Variants in DMD observed in about 807,000 individuals in gnomAD.
DMD encodes the protein dystrophin, also known as mutant dystrophin.
In DMD, 63 loss-of-function variants were observed where a neutral mutation model predicts 330.1. That is an observed-to-expected ratio of 0.19 (90% CI 0.16 to 0.24). The LOEUF (loss-of-function observed/expected upper bound fraction) is 0.24. Ranked by LOEUF, DMD falls within the 10% of genes least tolerant of loss-of-function variation. DMD has a pLI of 1.00. For synonymous variants in DMD, 1,223 were observed against 959.8 expected (o/e 1.27, Z -5.07); for missense variants, 3,344 against 2,684.1 (o/e 1.25, Z -5.43).
chrX:32,519,267 A>T (rs2046191447), intron 17 of DMD, among the ~76,000 whole-genome samples: 1 of 64,854 alleles, frequency 1.5e-5, no homozygotes, highest in Non-Finnish European at 2.9e-5. Flanking sequence ...GGAATCTAAA[A>T]AAAAAAAAAA....
chrX:32,365,296 A>G, intron 34 of DMD, 97 bp from the exon 35 acceptor site: 1 of 861,793 alleles, frequency 1.2e-6, no homozygotes, highest in East Asian at 3.2e-5. Context: ...ATGATTCTGC[A>G]AGGTTTTAAA....
chrX:33,331,157 C>G (rs760108874), intron 1 of DMD, among the ~76,000 whole-genome samples: 2 of 111,719 alleles, frequency 1.8e-5, no homozygotes, highest in South Asian at 7.6e-4. Flanking sequence ...CTAATCCTGT[C>G]TGGATGACCT....
At chrX:31,225,761 G>A (rs1337620248) in intron 63 of DMD, among the ~76,000 whole-genome samples, 6 of 111,892 alleles carry the variant, frequency 5.4e-5, no homozygotes, top group Non-Finnish European at 9.4e-5. Flanking sequence ...TGATGCTGAT[G>A]CTGCTGGTCC....
chrX:32,313,230 C>A (rs1174882364), intron 41 of DMD, among the ~76,000 whole-genome samples: 1 of 110,643 alleles, frequency 9.0e-6, no homozygotes, highest in African/African-American at 3.3e-5. Context: ...CCCTGGGATG[C>A]AAAGCTGGTT....
intron 44 of DMD, among the ~76,000 whole-genome samples, chrX:32,064,891 A>G (rs915693169): frequency 9.0e-6 from 1 of 111,267 alleles, no homozygotes; most frequent in African/African-American, 3.3e-5. Flanking sequence ...AAATTTTATT[A>G]TTCACCCTAG....
chrX:31,955,168 C>T (rs2095232237), intron 45 of DMD, among the ~76,000 whole-genome samples: 1 of 111,175 alleles, frequency 9.0e-6, no homozygotes, highest in African/African-American at 3.3e-5. Context: ...AGAGCCAGAA[C>T]CCCATCTCAA....
intron 5 of DMD, among the ~76,000 whole-genome samples, chrX:32,817,059 T>C (rs763423814): frequency 1.8e-5 from 2 of 112,111 alleles, no homozygotes; most frequent in South Asian, 7.4e-4. Context: ...AAGTATATGT[T>C]CAAATTTTGC....
chrX:31,894,380 C>T (rs2094302088), intron 47 of DMD, among the ~76,000 whole-genome samples: 1 of 111,685 alleles, frequency 9.0e-6, no homozygotes, highest in African/African-American at 3.3e-5. Context: ...TGGGGCTCAT[C>T]TCTTGGCTCT....
chrX:32,766,110 A>C (rs958846740), intron 7 of DMD, among the ~76,000 whole-genome samples: 1 of 111,290 alleles, frequency 9.0e-6, no homozygotes, highest in Non-Finnish European at 1.9e-5. Context: ...CTTTGTAGTA[A>C]GTTTTGAAAT....
chrX:31,921,110 A>AG (rs945322559), intron 47 of DMD, among the ~76,000 whole-genome samples: 2 of 111,472 alleles, frequency 1.8e-5, no homozygotes, highest in Non-Finnish European at 3.8e-5. Flanking sequence ...AAATAAAGGT[A>AG]GGGGGAAGGG....
In DMD at chrX:32,396,021, G is replaced by A. The variant is rs138993891; in HGVS notation, c.4234-5840C>T. On this transcript the variant is annotated intron_variant, in intron 30 of 78. Coordinates refer to ENST00000357033, the MANE Select transcript of DMD (RefSeq NM_004006.3). ...AAAGCAAAGCAAAGATAGCGTAAGT[G>A]ATCACTGCAACACAGGCCTTCCTGA... is the stretch of plus-strand genomic sequence containing the variant. Among the ~76,000 whole-genome samples the A allele has an allele frequency of 5.1e-3, 562 of 110,835 alleles. 4 individuals are homozygous for A. Among genetic ancestry groups the A allele is most frequent in the African/African-American group, 0.018 (544 of 30,509 alleles).
intron 60 of DMD, among the ~76,000 whole-genome samples, chrX:31,435,319 TTGTC>T (rs767728980): frequency 3.3e-4 from 37 of 111,794 alleles, no homozygotes; most frequent in Middle Eastern, 4.6e-3. Flanking sequence ...ACTACATTGA[TTGTC>T]TGAATAAAGT....
At chrX:31,476,633 T>A (rs1303723956) in intron 59 of DMD, among the ~76,000 whole-genome samples, 2 of 110,030 alleles carry the variant, frequency 1.8e-5, no homozygotes, top group Admixed American at 2.0e-4. Context: ...GATTTCATTC[T>A]CTAGGCAAGT....
chrX:32,456,151 C>T lies in DMD; in HGVS notation c.3433-1319G>A, dbSNP rs1039827169. Among the ~76,000 whole-genome samples, 4 of 110,551 alleles carry T rather than the reference C, an allele frequency of 3.6e-5. No individual in the cohort carries two copies. The East Asian group carries it at 1.1e-3, about 32-fold the overall frequency. On this transcript the variant is annotated intron_variant, in intron 25 of 78. Transcript: ENST00000357033. ...AAAATGAAGTGTTCATGGTACTTTG[C>T]CCAATAGTAAATATGTGTAGAATCA... is the stretch of plus-strand genomic sequence containing the variant.
chrX:31,307,857 T>C (rs1245131165), intron 62 of DMD, among the ~76,000 whole-genome samples: 3 of 111,683 alleles, frequency 2.7e-5, no homozygotes, highest in African/African-American at 9.8e-5. Context: ...CAAGATCTAT[T>C]AAGACAGTGG....
At chrX:31,406,474 G>T (rs1341793709) in intron 60 of DMD, among the ~76,000 whole-genome samples, 1 of 111,085 alleles carries the variant, frequency 9.0e-6, no homozygotes, top group Non-Finnish European at 1.9e-5. Context: ...ATCAGGGAAG[G>T]CTCCATGATA....
intron 1 of DMD, among the ~76,000 whole-genome samples, chrX:33,097,803 A>G (rs1228411648): frequency 9.3e-6 from 1 of 108,088 alleles, no homozygotes; most frequent in Non-Finnish European, 1.9e-5. Flanking sequence ...TTTAGTAGAG[A>G]CGGGGTTTCA....
chrX:31,735,502 C>T, intron 51 of DMD, among the ~76,000 whole-genome samples: 1 of 111,839 alleles, frequency 8.9e-6, no homozygotes, highest in Non-Finnish European at 1.9e-5. Context: ...TAATTAGTAA[C>T]ATAGGTTTCT....
intron 1 of DMD, among the ~76,000 whole-genome samples, chrX:33,333,957 C>T (rs944050544): frequency 9.0e-6 from 1 of 110,929 alleles, no homozygotes; most frequent in Non-Finnish European, 1.9e-5. Context: ...TATAAACCCA[C>T]GAAGAGAGAA....
Sources: gnomAD v4.1 joint callset for allele counts (sites outside exome capture counted in the v4.1 genomes callset) on GRCh38, gnomAD v4.1.1 for gene constraint, MANE v1.5 for transcripts, NCBI Gene and HGNC (gene_info 2026-07-23, HGNC 2026-07-21) for gene names.